B3GALT1: variants seen among roughly 807,000 people sequenced by gnomAD.
B3GALT1 encodes beta-1,3-galactosyltransferase 1.
Under a neutral mutation model 23.2 loss-of-function variants are expected in B3GALT1, and 10 were observed. That is an observed-to-expected ratio of 0.43 (90% CI 0.27 to 0.73). The LOEUF is 0.73. Ranked by LOEUF, B3GALT1 falls within the 30% of genes least tolerant of loss-of-function variation. The pLI, the probability that B3GALT1 is intolerant of heterozygous loss-of-function variation, is 0.21. For missense variants in B3GALT1, 299 were observed against 405.4 expected (o/e 0.74, Z 2.25); for synonymous variants, 156 against 141.5 (o/e 1.10, Z -0.73).
At chr2:167,302,580 A>G (rs1696468377) in intron 1 of B3GALT1, among the ~76,000 whole-genome samples, 1 of 152,132 alleles carries the variant, frequency 6.6e-6, no homozygotes, top group Non-Finnish European at 1.5e-5. Context: ...TCTTAATGTA[A>G]TTGAACTTAA....
At chr2:167,463,413 G>A (rs1243471763) in intron 1 of B3GALT1, among the ~76,000 whole-genome samples, 4 of 151,870 alleles carry the variant, frequency 2.6e-5, no homozygotes, top group African/African-American at 4.8e-5. Flanking sequence ...ATTGTTTACT[G>A]CTTACTAAAT....
At chr2:167,414,346 A>G (rs1698436170) in intron 1 of B3GALT1, among the ~76,000 whole-genome samples, 1 of 152,158 alleles carries the variant, frequency 6.6e-6, no homozygotes, top group African/African-American at 2.4e-5. Context: ...ATTCTGGCCA[A>G]GTGACTCTGA....
At chr2:167,699,973 A>G (rs1423365567) in intron 3 of B3GALT1, among the ~76,000 whole-genome samples, 1 of 152,232 alleles carries the variant, frequency 6.6e-6, no homozygotes, top group Non-Finnish European at 1.5e-5. Context: ...TCGGCCTTCC[A>G]AAGTGCTGGG....
chr2:167,782,361 C>G (rs1270388193), intron 3 of B3GALT1, among the ~76,000 whole-genome samples: 1 of 152,028 alleles, frequency 6.6e-6, no homozygotes, highest in Non-Finnish European at 1.5e-5. Flanking sequence ...CGAAAAGGAC[C>G]CCAGTGGTAC....
chr2:167,532,918 G>A (rs981834546), intron 2 of B3GALT1, among the ~76,000 whole-genome samples: 1 of 143,600 alleles, frequency 7.0e-6, no homozygotes, highest in South Asian at 2.2e-4. Context: ...CTGGAGTGCA[G>A]TGGCGTGATC....
At chr2:167,555,211 C>G (rs957050316) in intron 2 of B3GALT1, among the ~76,000 whole-genome samples, 1 of 152,142 alleles carries the variant, frequency 6.6e-6, no homozygotes, top group Non-Finnish European at 1.5e-5. Context: ...TAGGAATAGA[C>G]AGTTATTGAA....
chr2:167,516,739 G>GCTATGTTTATTTTTCCTAT (rs1700103850), intron 2 of B3GALT1, among the ~76,000 whole-genome samples: 2 of 151,856 alleles, frequency 1.3e-5, no homozygotes, highest in South Asian at 4.1e-4. Flanking sequence ...TGTTGTTGTT[G>GCTATGTTTATTTTTCCTAT]CTATGTTTAT....
chr2:167,665,399 A>G (rs972095152), intron 3 of B3GALT1, among the ~76,000 whole-genome samples: 10 of 145,622 alleles, frequency 6.9e-5, no homozygotes, highest in African/African-American at 2.4e-4. Flanking sequence ...ATCAATGTTC[A>G]TCAAGGATAT....
chr2:167,674,817 A>G (rs1487286943), intron 3 of B3GALT1, among the ~76,000 whole-genome samples: 2 of 152,226 alleles, frequency 1.3e-5, no homozygotes, highest in Non-Finnish European at 2.9e-5. Context: ...GGGAAATCTG[A>G]CATTAAATGT....
chr2:167,532,754 TGA>T (rs774643841), intron 2 of B3GALT1, among the ~76,000 whole-genome samples: 41 of 152,198 alleles, frequency 2.7e-4, no homozygotes, highest in Non-Finnish European at 4.9e-4. Context: ...AAACTACAAC[TGA>T]GTTTGTATAT....
chr2:167,563,238 G>A (rs1482893470), intron 2 of B3GALT1, among the ~76,000 whole-genome samples: 19 of 133,902 alleles, frequency 1.4e-4, no homozygotes, highest in Non-Finnish European at 2.0e-4. Context: ...GGGCAGAGGC[G>A]CCCCCCACCT....
chr2:167,770,929 T>G (rs1688062004), intron 3 of B3GALT1, among the ~76,000 whole-genome samples: 1 of 152,208 alleles, frequency 6.6e-6, no homozygotes, highest in South Asian at 2.1e-4. Context: ...CTATCTCCAT[T>G]TTCGATAGCA....
At chr2:167,560,339 A>T (rs187097039) in intron 2 of B3GALT1, among the ~76,000 whole-genome samples, 3 of 152,326 alleles carry the variant, frequency 2.0e-5, no homozygotes, top group African/African-American at 7.2e-5. Context: ...TGGTACCAGC[A>T]GCTGCAAAAT....
intron 2 of B3GALT1, among the ~76,000 whole-genome samples, chr2:167,606,580 A>G (rs984150274): frequency 1.4e-4 from 22 of 152,280 alleles, no homozygotes; most frequent in African/African-American, 5.3e-4. Flanking sequence ...AAATAGATCA[A>G]TTGTGTGACT....
chr2:167,550,184 G>A (rs1298898990), intron 2 of B3GALT1, among the ~76,000 whole-genome samples: 1 of 152,178 alleles, frequency 6.6e-6, no homozygotes, highest in African/African-American at 2.4e-5. Flanking sequence ...GAAAGCAGAT[G>A]GAATATGCAA....
intron 3 of B3GALT1, among the ~76,000 whole-genome samples, chr2:167,779,587 G>A (rs1043066434): frequency 6.6e-6 from 1 of 152,160 alleles, no homozygotes; most frequent in Admixed American, 6.5e-5. Flanking sequence ...CTACTACACT[G>A]AGAATGACTG....
At chr2:167,446,085 C>T (rs1433797654) in intron 1 of B3GALT1, among the ~76,000 whole-genome samples, 1 of 152,166 alleles carries the variant, frequency 6.6e-6, no homozygotes, top group Non-Finnish European at 1.5e-5. Context: ...TCAGCATTTG[C>T]TTGTCTGTAA....
At chr2:167,572,794 A>G (rs894013781) in intron 2 of B3GALT1, among the ~76,000 whole-genome samples, 22 of 151,820 alleles carry the variant, frequency 1.4e-4, no homozygotes, top group African/African-American at 5.1e-4. Context: ...GACTACCTGG[A>G]TGCCAAAAGG....
intron 1 of B3GALT1, among the ~76,000 whole-genome samples, chr2:167,451,837 C>T (rs1054429959): frequency 1.3e-5 from 2 of 152,186 alleles, no homozygotes; most frequent in African/African-American, 4.8e-5. Context: ...TGAGCTCAGA[C>T]TCTCCTTGGA....
Sources: allele counts gnomAD v4.1 joint callset (sites outside exome capture counted in the v4.1 genomes callset), GRCh38; gene constraint gnomAD v4.1.1; transcripts MANE v1.5; gene names NCBI Gene and HGNC (gene_info 2026-07-23, HGNC 2026-07-21).